Variants in CALD1 observed in about 807,000 individuals in gnomAD.
CALD1 encodes caldesmon.
In CALD1, 33 loss-of-function variants were observed where a neutral mutation model predicts 99.9. That is an observed-to-expected ratio of 0.33 (90% CI 0.25 to 0.44). The LOEUF (loss-of-function observed/expected upper bound fraction) is 0.44, where lower values mean the gene tolerates loss of function less well. CALD1 is among the 20% of genes least tolerant of loss of function. The probability of loss-of-function intolerance (pLI) is 1.00; values close to 1 mark genes in which losing one functional copy is unlikely to be tolerated. For synonymous variants in CALD1, 310 were observed against 325.0 expected (o/e 0.95, Z 0.50); for missense variants, 861 against 962.1 (o/e 0.89, Z 1.39).
At chr7:134,753,010 GAA>G (rs11312378) in intron 1 of CALD1, among the ~76,000 whole-genome samples, 67 of 99,072 alleles carry the variant, frequency 6.8e-4, no homozygotes, top group Non-Finnish European at 9.2e-4. Context: ...ACTCTGTATC[GAA>G]AAAAAAAAAA....
At position 134,958,257 on chromosome 7, in the gene CALD1, C is replaced by G; in HGVS notation, c.2028C>G (p.Asp676Glu). 1 of 1,613,954 alleles carries G rather than the reference C, an allele frequency of 6.2e-7. No homozygotes were observed. The highest frequency in any genetic ancestry group is 1.7e-5 in the Admixed American group (1 of 60,002). ...THQAAIVSKI[D>E]SRLEQYTSAI... is the part of the protein sequence containing the mutation. ...AAGCAGCAATAGTCTCCAAGATTGA[C>G]AGCAGACTGGAGCAGTATACCAGTG... The change falls in exon 11 of 15, where the codon GAC (aspartate) becomes GAG (glutamate). Residue 676 changes from aspartate to glutamate, a missense_variant. Transcript: ENST00000361675.
rs1796683320 is a variant in CALD1, at chr7:134,751,245, T to C, written c.-130+6882T>C. On this transcript the variant is annotated intron_variant, in intron 1 of 13. Transcript: ENST00000417172. ...CTACCTTGTAAGGTTGTTCCCAAGA[T>C]GAAAAGAGATATACAGTCACTAAGT... is the stretch of plus-strand genomic sequence containing the variant. Among the ~76,000 whole-genome samples, 3 of 152,224 alleles carry C rather than the reference T, an allele frequency of 2.0e-5. No individual in the cohort carries two copies. In the South Asian group the frequency reaches 6.2e-4, roughly 32 times the overall value.
At chr7:134,887,288 G>A (rs995615467) in intron 3 of CALD1, among the ~76,000 whole-genome samples, 1 of 152,194 alleles carries the variant, frequency 6.6e-6, no homozygotes, top group East Asian at 1.9e-4. Context: ...CGTCGTCTAT[G>A]AGGGGAAAAC....
chr7:134,742,046 C>CACACAG (rs752498503), upstream of CALD1, among the ~76,000 whole-genome samples: 1 of 151,754 alleles, frequency 6.6e-6, no homozygotes, highest in African/African-American at 2.4e-5. Flanking sequence ...CACACACACA[C>CACACAG]AGACACACAC....
the CALD1 span, among the ~76,000 whole-genome samples, chr7:134,726,336 T>A: frequency 6.8e-6 from 1 of 147,724 alleles, no homozygotes. Context: ...GCATATATAA[T>A]CTTAATTGAT....
chr7:134,787,890 A>C (rs1797368345), intron 1 of CALD1, among the ~76,000 whole-genome samples: 1 of 152,158 alleles, frequency 6.6e-6, no homozygotes, highest in South Asian at 2.1e-4. Flanking sequence ...TCTTCGGTTT[A>C]GAGGGCAGGT....
chr7:134,923,576 C>T (rs1441901306), intron 3 of CALD1, among the ~76,000 whole-genome samples: 1 of 152,154 alleles, frequency 6.6e-6, no homozygotes, highest in Admixed American at 6.5e-5. Flanking sequence ...TATTACAATC[C>T]AGTGGTTGGT....
chr7:134,826,431 C>G (rs1404387014), intron 1 of CALD1, among the ~76,000 whole-genome samples: 1 of 152,140 alleles, frequency 6.6e-6, no homozygotes, highest in Non-Finnish European at 1.5e-5. Flanking sequence ...CTCCTAAGTA[C>G]TCCAGCCCAC....
At chr7:134,742,228 G>A (rs564884868), upstream of CALD1, among the ~76,000 whole-genome samples, 19 of 152,304 alleles carry the variant, frequency 1.2e-4, no homozygotes, top group East Asian at 3.7e-3. Context: ...TGGTTCCCAA[G>A]GTGATGTTCT....
chr7:134,970,717 A>C lies in CALD1; in HGVS notation c.*2372A>C, dbSNP rs1242439178. On this transcript the variant is annotated 3_prime_UTR_variant, in exon 15 of 15. Coordinates refer to ENST00000361675, the MANE Select transcript of CALD1 (RefSeq NM_033138.4). Reference sequence around the variant, plus strand: ...TCTATTATAATAAAGATTATGGCACAGTAAAACCTGTATTTCAGGTTGAGT... The same window carrying C: ...TCTATTATAATAAAGATTATGGCACCGTAAAACCTGTATTTCAGGTTGAGT... 6.6e-6 allele frequency: 1 copy of C among 152,340 alleles called. No homozygotes were observed. The highest frequency in any genetic ancestry group is 1.5e-5 in the Non-Finnish European group (1 of 68,036). 9.4% of individuals were successfully genotyped at this position (152,340 alleles called of 1,614,324 possible).
Position 134,947,654 on chromosome 7 carries a change from A to C in CALD1, c.1679A>C (p.Glu560Ala). The C allele has an allele frequency of 1.3e-6, 2 of 1,583,944 alleles. No individual in the cohort carries two copies. Among genetic ancestry groups the C allele is most frequent in the Non-Finnish European group, 1.7e-6 (2 of 1,164,242 alleles). Residue 560 changes from glutamate to alanine, a missense_variant, in exon 8 of 15, where the codon GAG (glutamate) becomes GCG (alanine). Physicochemically the swap from Glu to Ala is moderately radical, Grantham distance 107. Around this residue, in one of 5 missense-constraint regions of CALD1, gnomAD observed 293 missense variants for 262.7 expected, o/e 1.12. Transcript: ENST00000361675. ...EFEKLKQKQQ[E>A]AALELEELKK... ...GAGAAGCTCAAACAGAAGCAGCAGG[A>C]GGCGGCTTTGGAGCTGGAGGAACTC...
At chr7:134,928,072 A>C (rs1048390432) in intron 3 of CALD1, 9 of 321,100 alleles carry the variant, frequency 2.8e-5, no homozygotes, top group East Asian at 2.6e-4. Flanking sequence ...AACTCATGCA[A>C]CATGCTGTAT....
chr7:134,854,194 G>A (rs1800202573), intron 2 of CALD1, among the ~76,000 whole-genome samples: 1 of 152,134 alleles, frequency 6.6e-6, no homozygotes, highest in Admixed American at 6.5e-5. Context: ...TGTCTTTATA[G>A]TAGAATGATT....
chr7:134,759,682 T>C (rs368401166), intron 1 of CALD1, among the ~76,000 whole-genome samples: 1 of 152,204 alleles, frequency 6.6e-6, no homozygotes, highest in East Asian at 1.9e-4. Flanking sequence ...TTTTAAGTTA[T>C]TTGTAGATGA....
At chr7:134,732,966 A>T in the CALD1 span, among the ~76,000 whole-genome samples, 1 of 152,170 alleles carries the variant, frequency 6.6e-6, no homozygotes, top group Admixed American at 6.5e-5. Flanking sequence ...TTTGCTGATG[A>T]TCTCCTAGCA....
chr7:134,957,084 C>T (rs1427828260), intron 9 of CALD1, among the ~76,000 whole-genome samples: 1 of 152,100 alleles, frequency 6.6e-6, no homozygotes, highest in Admixed American at 6.6e-5. Context: ...CCTCATTTCA[C>T]ACTTGGGCTA....
At chr7:134,773,741 T>G (rs1796895102) in intron 1 of CALD1, among the ~76,000 whole-genome samples, 1 of 151,916 alleles carries the variant, frequency 6.6e-6, no homozygotes, top group African/African-American at 2.4e-5. Context: ...GTAATTGTAG[T>G]TTTCTCCAAG....
upstream of CALD1, among the ~76,000 whole-genome samples, chr7:134,740,794 T>G (rs534892876): frequency 5.0e-4 from 76 of 152,338 alleles, 3 homozygotes; most frequent in South Asian, 0.016. Flanking sequence ...TGTTCTATGG[T>G]CTGTCTTCTC....
intron 7 of CALD1, among the ~76,000 whole-genome samples, chr7:134,947,171 A>G (rs184948423): frequency 1.4e-4 from 21 of 152,334 alleles, no homozygotes; most frequent in African/African-American, 4.8e-4. Flanking sequence ...TTAGAAGTGT[A>G]TCAGAAGTGG....
Sources: gnomAD v4.1 joint callset for allele counts (sites outside exome capture counted in the v4.1 genomes callset) on GRCh38, gnomAD v4.1.1 for gene constraint, gnomAD v4.1.1 regional missense constraint, MANE v1.5 for transcripts, NCBI Gene and HGNC (gene_info 2026-07-23, HGNC 2026-07-21) for gene names.